The following KDM4A variants were observed in gnomAD, a reference collection of about 807,000 sequenced individuals.
The protein encoded by KDM4A is lysine-specific demethylase 4A.
A neutral mutation model predicts 127.1 loss-of-function variants in KDM4A; 23 were observed. The observed-to-expected ratio is 0.18, with a 90% CI of 0.13 to 0.26. KDM4A has a LOEUF of 0.26. Among genes scored for constraint, KDM4A ranks in the 10% least tolerant of loss-of-function variants. The probability of loss-of-function intolerance (pLI) is 1.00; values close to 1 mark genes in which losing one functional copy is unlikely to be tolerated. For synonymous variants in KDM4A, 443 were observed against 466.5 expected, an observed-to-expected ratio of 0.95 and a Z score of 0.65; for missense variants, 890 against 1,329.1, an observed-to-expected ratio of 0.67 and a Z score of 5.14.
chr1:43,672,770 A>G (rs1660652200), intron 11 of KDM4A, among the ~76,000 whole-genome samples: 1 of 152,174 alleles, frequency 6.6e-6, no homozygotes, highest in African/African-American at 2.4e-5. Context: ...CTGGGATTAC[A>G]GGCGTGAACC....
At chr1:43,661,922 T>A (rs1278566823) in intron 4 of KDM4A, among the ~76,000 whole-genome samples, 1 of 152,020 alleles carries the variant, frequency 6.6e-6, no homozygotes, top group African/African-American at 2.4e-5. Flanking sequence ...TGAGACAGAG[T>A]CTCGCCCTGC....
chr1:43,679,498 A>G (rs1660811430), intron 11 of KDM4A, among the ~76,000 whole-genome samples: 1 of 152,188 alleles, frequency 6.6e-6, no homozygotes, highest in South Asian at 2.1e-4. Flanking sequence ...TGGGTTCCTT[A>G]GAGCACCCTT....
intron 19 of KDM4A, among the ~76,000 whole-genome samples, chr1:43,701,498 G>T (rs1231178652): frequency 6.6e-6 from 1 of 152,108 alleles, no homozygotes; most frequent in Non-Finnish European, 1.5e-5. Flanking sequence ...TTTTCATAGA[G>T]TTTTTTAAAG....
chr1:43,669,457 G>A (rs1234619277), intron 10 of KDM4A, among the ~76,000 whole-genome samples, 158 bp downstream of exon 10: 1 of 152,192 alleles, frequency 6.6e-6, no homozygotes, highest in Non-Finnish European at 1.5e-5. Flanking sequence ...GGGTAGGGAT[G>A]TACAGGGAGG....
chr1:43,662,682 T>C (rs1046595659), intron 4 of KDM4A, among the ~76,000 whole-genome samples: 5 of 152,250 alleles, frequency 3.3e-5, no homozygotes, highest in African/African-American at 9.6e-5. Context: ...CACAAAGTAA[T>C]ATTTGCCCTT....
chr1:43,689,996 A>G (rs960556271), intron 13 of KDM4A, among the ~76,000 whole-genome samples: 6 of 152,260 alleles, frequency 3.9e-5, no homozygotes, highest in African/African-American at 1.4e-4. Flanking sequence ...CAAATGGCAT[A>G]GGCTCTGGGG....
At chr1:43,675,991 A>G (rs544129358) in intron 11 of KDM4A, among the ~76,000 whole-genome samples, 17 of 151,834 alleles carry the variant, frequency 1.1e-4, no homozygotes, top group Non-Finnish European at 1.8e-4. Flanking sequence ...GAAAGCGCTT[A>G]AACCCTGGGG....
rs764228845 is a variant in KDM4A at position 43,665,670 on chromosome 1, C to G, written c.624-26C>G. ...GCTTCTGTACCTGCCCTCCACCCAG[C>G]CTCTGATGCTCTCATGTGATTGCAG... On this transcript the variant is annotated intron_variant, in intron 5 of 21. Transcript: ENST00000372396. 10 of 1,613,016 alleles carry G rather than the reference C, an allele frequency of 6.2e-6. 1 individual carries two copies. Among genetic ancestry groups the G allele is most frequent in the East Asian group, 4.5e-5 (2 of 44,868 alleles).
chr1:43,685,150 G>C lies in KDM4A; in HGVS notation c.1855+1346G>C, dbSNP rs565150480. ...GCTGGGGCTAGGTGGACAGAGGAGG[G>C]AGGGGAGCCTGTGAAGGAGGCAGAG... On this transcript the variant is annotated intron_variant, in intron 12 of 21. Transcript: ENST00000372396. Among the ~76,000 whole-genome samples, 9 of 152,268 alleles carry C rather than the reference G, an allele frequency of 5.9e-5. No individual in the cohort carries two copies. The South Asian group carries it at 1.9e-3, about 32-fold the overall frequency.
intron 2 of KDM4A, among the ~76,000 whole-genome samples, chr1:43,654,735 GTGTGT>G (rs1339769422): frequency 1.4e-5 from 1 of 70,378 alleles, no homozygotes; most frequent in East Asian, 3.9e-4. Context: ...GTGTGTGTGT[GTGTGT>G]TGTTTTCTCC....
chr1:43,701,495 AGAGTTTTTTAAAG>A (rs1661392688), intron 19 of KDM4A, among the ~76,000 whole-genome samples: 1 of 152,084 alleles, frequency 6.6e-6, no homozygotes, highest in Non-Finnish European at 1.5e-5. Flanking sequence ...AAATTTTCAT[AGAGTTTTTTAAAG>A]ACAGGGTCCT....
At position 43,690,787 on chromosome 1, in the gene KDM4A, G is replaced by A. The variant is rs1375361280; in HGVS notation, c.2038-58G>A. The A allele has an allele frequency of 2.7e-6, 4 of 1,502,894 alleles. No homozygotes were observed. The African/African-American group carries it at 5.5e-5, about 21-fold the overall frequency. The allele number at this position is 1,502,894 out of a possible 1,614,324, so 93.1% of individuals were successfully genotyped here. A position where few individuals can be genotyped will look rare whatever the true frequency, so the allele number is the denominator to read the frequency against. Reference sequence around the variant, plus strand: ...CAGCTTTCTGCTGATAGAGCAGGTGGAAAGCTAAGAGCATAGGCACGTGCT... The same window carrying A: ...CAGCTTTCTGCTGATAGAGCAGGTGAAAAGCTAAGAGCATAGGCACGTGCT... On this transcript the variant is annotated intron_variant, in intron 13 of 21. Transcript: ENST00000372396.
chr1:43,662,437 G>A (rs1050283096), intron 4 of KDM4A, among the ~76,000 whole-genome samples: 5 of 151,964 alleles, frequency 3.3e-5, no homozygotes, highest in African/African-American at 4.8e-5. Flanking sequence ...GTGAAACCCC[G>A]GCTCTACTAA....
chr1:43,660,456 T>G (rs1283049111), intron 4 of KDM4A, 44 bp downstream of exon 4: 1 of 1,550,818 alleles, frequency 6.4e-7, no homozygotes, highest in Non-Finnish European at 8.7e-7. Context: ...TTTGTAATTT[T>G]GTAATACCTT....
chr1:43,653,343 TG>T, intron 2 of KDM4A, 30 bp downstream of exon 2: 1 of 1,597,622 alleles, frequency 6.3e-7, no homozygotes, highest in Non-Finnish European at 8.5e-7. Context: ...CAAATGGTTT[TG>T]TTACCTAGGG....
At chr1:43,679,133 C>T (rs1019071579) in intron 11 of KDM4A, among the ~76,000 whole-genome samples, 2 of 152,168 alleles carry the variant, frequency 1.3e-5, no homozygotes, top group Non-Finnish European at 2.9e-5. Flanking sequence ...AGAAACACTT[C>T]ATTGCTTTCC....
At position 43,694,903 on chromosome 1, in the gene KDM4A, G is replaced by A; in HGVS notation, c.2670+9G>A. 1.3e-6 allele frequency: 2 copies of A among 1,588,328 alleles called. No individual in the cohort carries two copies. Among genetic ancestry groups the A allele is most frequent in the Non-Finnish European group, 1.7e-6 (2 of 1,159,118 alleles). On this transcript the variant is annotated intron_variant, in intron 18 of 21. Transcript: ENST00000372396. This position sits in a 1 kb window ranked among gnomAD's most constrained non-coding sequence, Gnocchi z 5.2. The stretch of plus-strand genomic sequence containing the variant: ...AGATTCCTAATTTGGAGGTGAGAGA[G>A]GGTGTCATTCTAGAATCCTCTTGAC...
intron 4 of KDM4A, among the ~76,000 whole-genome samples, chr1:43,662,180 G>A (rs1179513226): frequency 2.0e-5 from 3 of 151,458 alleles, no homozygotes; most frequent in African/African-American, 4.8e-5. Flanking sequence ...GATTACAGGC[G>A]TGAGCCACCA....
chr1:43,673,913 A>T (rs755212231), intron 11 of KDM4A, among the ~76,000 whole-genome samples: 5 of 152,228 alleles, frequency 3.3e-5, no homozygotes, highest in African/African-American at 4.8e-5. Context: ...AGCAGCTAAG[A>T]AGTAGCAAGA....
Sources: gnomAD v4.1 joint callset for allele counts (sites outside exome capture counted in the v4.1 genomes callset) on GRCh38, gnomAD v4.1.1 for gene constraint, Gnocchi (gnomAD v3.1) non-coding constraint, MANE v1.5 for transcripts, NCBI Gene and HGNC (gene_info 2026-07-23, HGNC 2026-07-21) for gene names.